Variants in DOP1B observed in about 807,000 individuals in gnomAD.
DOP1B encodes the protein protein DOP1B.
DOP1B carries 174 observed loss-of-function variants against 233.5 expected under a neutral mutation model. The observed-to-expected ratio is 0.75, with a 90% CI of 0.66 to 0.85. The LOEUF is 0.85. DOP1B is among the 40% of genes least tolerant of loss of function. DOP1B has a pLI of 0.00. For missense variants in DOP1B, 2,652 were observed against 2,846.6 expected, an observed-to-expected ratio of 0.93 and a Z score of 1.56; for synonymous variants, 1,190 against 1,185.6, an observed-to-expected ratio of 1.00 and a Z score of -0.08.
chr21:36,178,405 G>A (rs1396552280), intron 2 of DOP1B, among the ~76,000 whole-genome samples: 3 of 151,886 alleles, frequency 2.0e-5, no homozygotes, highest in Non-Finnish European at 4.4e-5. Context: ...AGGCTGAGGT[G>A]GGAGGTTTGC....
intron 4 of DOP1B, among the ~76,000 whole-genome samples, chr21:36,202,126 G>T (rs987360963): frequency 6.6e-6 from 1 of 152,150 alleles, no homozygotes; most frequent in Admixed American, 6.5e-5. Context: ...GGTGAAGGTT[G>T]CAGCGAGCCG....
chr21:36,246,136 T>G lies in DOP1B; in HGVS notation c.4156T>G (p.Phe1386Val), dbSNP rs779678302. The G allele has an allele frequency of 1.2e-6, 2 of 1,613,756 alleles. No homozygotes were observed. Among genetic ancestry groups the G allele is most frequent in the South Asian group, 2.2e-5 (2 of 91,072 alleles). Residue 1386 changes from phenylalanine to valine, a missense_variant, in exon 19 of 37, where the codon TTT becomes GTT. By Grantham distance (50) the Phe-to-Val change is conservative (BLOSUM62 -1). Transcript: ENST00000691173. This position sits in a 1 kb window ranked among gnomAD's most constrained non-coding sequence, Gnocchi z 5.1. ...GCTGCAGAGGTGCAAAGTTCAGGAG[T>G]TTGTCCTGCTCTCCCTGTCGGCGTC... is the stretch of plus-strand genomic sequence containing the variant. ...SLLQRCKVQEFVLLSLSASMY... is the reference protein window; with the variant it reads ...SLLQRCKVQEVVLLSLSASMY...
rs112466707 is a variant in DOP1B at position 36,258,435 on chromosome 21, A to G, written c.5260-2242A>G. 6.3e-3 allele frequency among the ~76,000 whole-genome samples: 960 copies of G among 151,830 alleles called. 8 individuals are homozygous for G. The highest frequency in any genetic ancestry group is 0.022 in the African/African-American group (912 of 41,356). On this transcript the variant is annotated intron_variant, in intron 23 of 36. Transcript: ENST00000691173. Reference sequence around the variant, plus strand: ...AAAGACTTTTTTTTTTTTTCACATCAGACAATGTGCCGACCATTGTAACAA... The same window carrying G: ...AAAGACTTTTTTTTTTTTTCACATCGGACAATGTGCCGACCATTGTAACAA...
intron 22 of DOP1B, among the ~76,000 whole-genome samples, chr21:36,252,353 G>C (rs1601451171): frequency 6.6e-6 from 1 of 151,272 alleles, no homozygotes; most frequent in East Asian, 1.9e-4. Flanking sequence ...AGTTACTTGG[G>C]AGGCTGAGAT....
In DOP1B at chr21:36,245,372, C is replaced by T. The variant is rs1188805914; in HGVS notation, c.3392C>T (p.Pro1131Leu). 1 of 1,614,030 alleles carries T rather than the reference C, an allele frequency of 6.2e-7. No individual in the cohort carries two copies. The highest frequency in any genetic ancestry group is 1.3e-5 in the African/African-American group (1 of 74,948). ...DSENTSSFSS[P>L]SHDLQELSNE... ...GAGAACACGTCCTCCTTCTCCTCCCCTTCCCACGACCTGCAGGAGCTGAGC... is the reference window on the plus strand; with the variant it reads ...GAGAACACGTCCTCCTTCTCCTCCCTTTCCCACGACCTGCAGGAGCTGAGC... The change falls in exon 19 of 37, where the codon CCT (proline) becomes CTT (leucine). Residue 1131 changes from proline (P) to leucine (L), a missense_variant. Physicochemically the swap from Pro to Leu is moderately conservative, Grantham distance 98. Coordinates refer to ENST00000691173, the MANE Select transcript of DOP1B (RefSeq NM_001320714.2). The surrounding 1 kb of genome is among the most constrained non-coding windows in gnomAD (Gnocchi z 5.5).
chr21:36,290,469 C>T (rs8129540), intron 35 of DOP1B, among the ~76,000 whole-genome samples: 59,649 of 150,992 alleles, frequency 0.4, 11,791 homozygotes, highest in Middle Eastern at 0.5. Flanking sequence ...AAGACCAGCC[C>T]GGCCAACATG....
chr21:36,290,566 A>G (rs891736928), intron 35 of DOP1B, among the ~76,000 whole-genome samples: 7 of 152,312 alleles, frequency 4.6e-5, no homozygotes, highest in Non-Finnish European at 7.3e-5. Flanking sequence ...TGGGAGGCCA[A>G]GGTGGTTGGA....
chr21:36,292,994 G>T (rs2067576714), intron 36 of DOP1B, among the ~76,000 whole-genome samples: 1 of 151,984 alleles, frequency 6.6e-6, no homozygotes, highest in Non-Finnish European at 1.5e-5. Flanking sequence ...ATCGCCTGAG[G>T]TCAGGAGTTC....
chr21:36,165,590 G>A (rs193265927), intron 2 of DOP1B, among the ~76,000 whole-genome samples: 5 of 152,224 alleles, frequency 3.3e-5, no homozygotes, highest in East Asian at 3.9e-4. Context: ...TGAGCGGTGC[G>A]AGCGAGCATT....
chr21:36,293,282 A>G (rs2067579772), intron 36 of DOP1B, 38 bp from the exon 37 acceptor site: 5 of 1,601,516 alleles, frequency 3.1e-6, no homozygotes, highest in Middle Eastern at 1.7e-4. Flanking sequence ...AGCCCTCAGT[A>G]AAACCATATC....
At chr21:36,263,401 T>C (rs1040742561) in intron 24 of DOP1B, 145 bp from the exon 25 acceptor site, 2 of 676,052 alleles carry the variant, frequency 3.0e-6, no homozygotes, top group Non-Finnish European at 5.1e-6. Flanking sequence ...CTCATGTACA[T>C]TGTAAGTTTT....
At position 36,278,332 on chromosome 21, in the gene DOP1B, T is replaced by C. The variant is rs1022620349; in HGVS notation, c.5946T>C (p.Phe1982=). 6.2e-7 allele frequency: 1 copy of C among 1,613,608 alleles called. No homozygotes were observed. The highest frequency in any genetic ancestry group is 1.3e-5 in the African/African-American group (1 of 75,046). The change falls in exon 30 of 37, where the codon TTT becomes TTC. Residue 1982 remains phenylalanine, a synonymous_variant. Coordinates refer to ENST00000691173, the MANE Select transcript of DOP1B (RefSeq NM_001320714.2). ...AGCTGTTTCTCGACCCCGCTTTCTT[T>C]CAGATGGATACTTCCTGTGTTCAGT... is the stretch of plus-strand genomic sequence containing the variant. ...VLELFLDPAF[F]QMDTSCVHWK...
At chr21:36,160,477 CTTT>C (rs5843748) in intron 1 of DOP1B, among the ~76,000 whole-genome samples, 3 of 122,796 alleles carry the variant, frequency 2.4e-5, no homozygotes, top group Admixed American at 8.5e-5. Context: ...TTTAAGTTTT[CTTT>C]TTTTTTTTTT....
At chr21:36,174,588 T>A (rs1385893370) in intron 2 of DOP1B, among the ~76,000 whole-genome samples, 1 of 152,264 alleles carries the variant, frequency 6.6e-6, no homozygotes, top group Admixed American at 6.5e-5. Context: ...TACTGCAACC[T>A]CTGCCTCCTG....
In DOP1B at chr21:36,245,136, G is replaced by A. The variant is rs765531817; in HGVS notation, c.3156G>A (p.Glu1052=). The stretch of plus-strand genomic sequence containing the variant: ...AGCCTCAGGAGAGCGGCTCTGAAGA[G>A]CACCTGCCTCTGAGCCAGTTCACCA... ...VPEPQESGSE[E]HLPLSQFTTV... The change falls in exon 19 of 37, where the codon GAG becomes GAA. Residue 1052 remains glutamate (E), a synonymous_variant. Coordinates refer to ENST00000691173, the MANE Select transcript of DOP1B (RefSeq NM_001320714.2). This position sits in a 1 kb window ranked among gnomAD's most constrained non-coding sequence, Gnocchi z 5.5. The A allele has an allele frequency of 1.2e-6, 2 of 1,613,718 alleles. No individual in the cohort carries two copies. Among genetic ancestry groups the A allele is most frequent in the African/African-American group, 2.7e-5 (2 of 75,062 alleles).
Position 36,259,005 on chromosome 21 carries a change from T to C in DOP1B, c.5260-1672T>C, listed in dbSNP as rs1274574537. On this transcript the variant is annotated intron_variant, in intron 23 of 36. Coordinates refer to ENST00000691173, the MANE Select transcript of DOP1B (RefSeq NM_001320714.2). ...TTTTTTTTTTTTTTGAGACGAAGTC[T>C]TGCTCTGTCGCCCAGGCTGGCGCAA... Among the ~76,000 whole-genome samples the C allele has an allele frequency of 7.5e-5, 11 of 146,622 alleles. No homozygotes were observed. In the East Asian group the frequency reaches 2.0e-3, roughly 27 times the overall value.
chr21:36,257,981 G>A (rs1057108557), intron 23 of DOP1B, among the ~76,000 whole-genome samples: 2 of 150,674 alleles, frequency 1.3e-5, no homozygotes, highest in Non-Finnish European at 3.0e-5. Flanking sequence ...GTAGATGTAG[G>A]TAGGTAGGTA....
intron 15 of DOP1B, among the ~76,000 whole-genome samples, chr21:36,235,604 T>G (rs950435092): frequency 2.6e-5 from 4 of 151,716 alleles, no homozygotes; most frequent in Non-Finnish European, 4.4e-5. Flanking sequence ...GGCACACACC[T>G]GTAGTCCCAG....
At chr21:36,180,630 C>T (rs1262904364) in intron 2 of DOP1B, among the ~76,000 whole-genome samples, 1 of 152,032 alleles carries the variant, frequency 6.6e-6, no homozygotes, top group African/African-American at 2.4e-5. Context: ...CCTGTAATCC[C>T]AGCATACTGG....
Sources: allele counts gnomAD v4.1 joint callset (sites outside exome capture counted in the v4.1 genomes callset), GRCh38; gene constraint gnomAD v4.1.1; non-coding constraint Gnocchi (gnomAD v3.1); transcripts MANE v1.5; gene names NCBI Gene and HGNC (gene_info 2026-07-23, HGNC 2026-07-21).